The following ZNF804A variants were observed in gnomAD, a reference collection of about 807,000 sequenced individuals.
ZNF804A encodes zinc finger protein 804A.
Under a neutral mutation model 16.5 loss-of-function variants are expected in ZNF804A, and 2 were observed. That is an observed-to-expected ratio of 0.12 (90% confidence interval 0.05 to 0.38). The LOEUF is 0.38. Among genes scored for constraint, ZNF804A ranks in the 10% least tolerant of loss-of-function variants. The pLI is 0.99. For synonymous variants in ZNF804A, 534 were observed against 489.6 expected, an observed-to-expected ratio of 1.09 and a Z score of -1.20; for missense variants, 1,473 against 1,390.7, an observed-to-expected ratio of 1.06 and a Z score of -0.94.
chr2:184,676,405 C>A (rs866822522), intron 1 of ZNF804A, among the ~76,000 whole-genome samples: 34 of 151,058 alleles, frequency 2.3e-4, no homozygotes, highest in Admixed American at 8.6e-4. Context: ...ACACTCTATT[C>A]TGGATTTTGT....
At chr2:184,762,639 G>A (rs144797923) in intron 1 of ZNF804A, among the ~76,000 whole-genome samples, 1 of 151,760 alleles carries the variant, frequency 6.6e-6, no homozygotes, top group Admixed American at 6.6e-5. Context: ...GGCTGTATAA[G>A]GTGTTCATCC....
chr2:184,921,121 A>G (rs1241453628), intron 2 of ZNF804A, among the ~76,000 whole-genome samples: 2 of 152,196 alleles, frequency 1.3e-5, no homozygotes, highest in Non-Finnish European at 2.9e-5. Context: ...CATTGACCAA[A>G]GTGTTATTAT....
chr2:184,652,276 G>C (rs908367597), intron 1 of ZNF804A, among the ~76,000 whole-genome samples: 1 of 151,836 alleles, frequency 6.6e-6, no homozygotes, highest in Non-Finnish European at 1.5e-5. Context: ...ATAGAAACCA[G>C]GAACCACTAG....
chr2:184,617,688 A>G (rs1337312283), intron 1 of ZNF804A, among the ~76,000 whole-genome samples: 1 of 151,632 alleles, frequency 6.6e-6, no homozygotes, highest in Non-Finnish European at 1.5e-5. Context: ...TCAATTCTAC[A>G]TTAATAATTT....
intron 1 of ZNF804A, among the ~76,000 whole-genome samples, chr2:184,799,060 C>T (rs1298113154): frequency 1.3e-5 from 2 of 152,098 alleles, no homozygotes; most frequent in African/African-American, 4.8e-5. Flanking sequence ...AGCACAGAGT[C>T]CTGTGATATG....
At chr2:184,860,044 G>C (rs1695772473) in intron 1 of ZNF804A, among the ~76,000 whole-genome samples, 1 of 152,208 alleles carries the variant, frequency 6.6e-6, no homozygotes, top group Admixed American at 6.5e-5. Flanking sequence ...AGTCCATGAG[G>C]ACTGGCTTGG....
At chr2:184,844,104 C>T (rs983322288) in intron 1 of ZNF804A, among the ~76,000 whole-genome samples, 6 of 151,912 alleles carry the variant, frequency 3.9e-5, no homozygotes, top group African/African-American at 1.5e-4. Context: ...TAATCTAAGT[C>T]CACCATGATA....
rs557038946 is a variant in ZNF804A at position 184,781,268 on chromosome 2, C to T, written c.112-85101C>T. On this transcript the variant is annotated intron_variant, in intron 1 of 3. Transcript: ENST00000302277. ...GTTATATTTTGGCTTTGCAATGGGCCAAGAAAAGCTGCTATATTTTCTCCT... is the reference window on the plus strand; with the variant it reads ...GTTATATTTTGGCTTTGCAATGGGCTAAGAAAAGCTGCTATATTTTCTCCT... Among the ~76,000 whole-genome samples the T allele has an allele frequency of 9.2e-5, 14 of 151,702 alleles. No individual in the cohort carries two copies. The South Asian group carries it at 2.3e-3, about 25-fold the overall frequency.
chr2:184,934,346 A>T (rs1457048440), intron 3 of ZNF804A, among the ~76,000 whole-genome samples: 1 of 152,156 alleles, frequency 6.6e-6, no homozygotes, highest in African/African-American at 2.4e-5. Context: ...CAAAGTTATT[A>T]AAAGAAGACT....
intron 1 of ZNF804A, among the ~76,000 whole-genome samples, chr2:184,628,330 A>C (rs1202102005): frequency 6.6e-6 from 1 of 152,052 alleles, no homozygotes; most frequent in Non-Finnish European, 1.5e-5. Flanking sequence ...AAAAGAAAGA[A>C]AAAAAAGGTG....
At chr2:184,688,373 C>T (rs10197098) in intron 1 of ZNF804A, among the ~76,000 whole-genome samples, 36,400 of 146,070 alleles carry the variant, frequency 0.25, 6,371 homozygotes, top group African/African-American at 0.51. Flanking sequence ...TGTGTGTGTA[C>T]GTGTGTCTCC....
rs752052000 is a variant in ZNF804A at position 184,935,776 on chromosome 2, T to C, written c.387-7T>C. ...TATTTAACACATGCTTCTGTTTCTCTCTCTAGTGCTCCTGGAAGTGGCCCC... is the reference window on the plus strand; with the variant it reads ...TATTTAACACATGCTTCTGTTTCTCCCTCTAGTGCTCCTGGAAGTGGCCCC... On this transcript the variant is annotated splice_region_variant and splice_polypyrimidine_tract_variant and intron_variant, in intron 3 of 3. Coordinates refer to ENST00000302277, the MANE Select transcript of ZNF804A (RefSeq NM_194250.2). The C allele has an allele frequency of 1.3e-6, 2 of 1,573,014 alleles. No individual in the cohort carries two copies. The highest frequency in any genetic ancestry group is 1.7e-6 in the Non-Finnish European group (2 of 1,162,132).
chr2:184,931,798 AC>A (rs1685706514), intron 2 of ZNF804A, among the ~76,000 whole-genome samples: 1 of 152,158 alleles, frequency 6.6e-6, no homozygotes. Flanking sequence ...CAAATTTTCC[AC>A]TTTTATGTTC....
At chr2:184,604,776 C>T (rs415350) in intron 1 of ZNF804A, among the ~76,000 whole-genome samples, 149,198 of 152,252 alleles carry the variant, frequency 0.98, 73,140 homozygotes, top group Non-Finnish European at 0.99. Flanking sequence ...TATGTGGAGA[C>T]AGAAATATTT....
chr2:184,793,217 T>C (rs1694577840), intron 1 of ZNF804A, among the ~76,000 whole-genome samples: 1 of 152,126 alleles, frequency 6.6e-6, no homozygotes, highest in African/African-American at 2.4e-5. Context: ...CTATTGTGAA[T>C]AGCACAGCAA....
intron 1 of ZNF804A, among the ~76,000 whole-genome samples, chr2:184,728,086 G>A (rs1264467303): frequency 1.3e-5 from 2 of 150,962 alleles, no homozygotes; most frequent in East Asian, 1.9e-4. Context: ...GTTGAGTAAC[G>A]CTTGTGAGTA....
chr2:184,917,473 G>C (rs1405966130), intron 2 of ZNF804A, among the ~76,000 whole-genome samples: 3 of 152,034 alleles, frequency 2.0e-5, no homozygotes, highest in Middle Eastern at 3.2e-3. Flanking sequence ...ATGTGTGTGT[G>C]TGTATACAGT....
At chr2:184,748,492 T>C (rs771681526) in intron 1 of ZNF804A, among the ~76,000 whole-genome samples, 2 of 151,258 alleles carry the variant, frequency 1.3e-5, no homozygotes, top group Non-Finnish European at 3.0e-5. Context: ...CCAGTTTGTT[T>C]ATTTGTTTAA....
chr2:184,615,337 T>G (rs1051628302), intron 1 of ZNF804A, among the ~76,000 whole-genome samples: 2 of 152,162 alleles, frequency 1.3e-5, no homozygotes, highest in African/African-American at 4.8e-5. Flanking sequence ...ACCTGCACAT[T>G]CTGCACATGT....
Sources: allele counts gnomAD v4.1 joint callset (sites outside exome capture counted in the v4.1 genomes callset), GRCh38; gene constraint gnomAD v4.1.1; transcripts MANE v1.5; gene names NCBI Gene and HGNC (gene_info 2026-07-23, HGNC 2026-07-21).